The following FLT4 variants were observed in gnomAD, a reference collection of about 807,000 sequenced individuals.
FLT4 encodes fms related receptor tyrosine kinase 4.
Under a neutral mutation model 163.2 loss-of-function variants are expected in FLT4, and 30 were observed. That is an observed-to-expected ratio of 0.18 (90% CI 0.14 to 0.25). The LOEUF (loss-of-function observed/expected upper bound fraction) is 0.25, where lower values mean the gene tolerates loss of function less well. FLT4 is among the 10% of genes least tolerant of loss of function. The pLI is 1.00. For synonymous variants in FLT4, 884 were observed against 789.5 expected (o/e 1.12, Z -2.01); for missense variants, 1,510 against 1,863.8 (o/e 0.81, Z 3.50).
In FLT4 at chr5:180,620,660, G is replaced by A; in HGVS notation, c.2355C>T (p.Ile785=). Residue 785 remains isoleucine, a synonymous_variant, in exon 16 of 30, where the codon ATC becomes ATT. Coordinates refer to ENST00000261937, the MANE Select transcript of FLT4 (RefSeq NM_182925.5). This position sits in a 1 kb window ranked among gnomAD's most constrained non-coding sequence, Gnocchi z 4.4. ...GGAGGAGGACCCAGAAGAAGACAGC[G>A]ATGACGCCGGTACCGACAAGGATCA... ...EIVILVGTGV[I]AVFFWVLLLL... The A allele has an allele frequency of 2.5e-6, 4 of 1,613,528 alleles. No individual in the cohort carries two copies. Among genetic ancestry groups the A allele is most frequent in the East Asian group, 2.2e-5 (1 of 44,842 alleles).
At position 180,631,774 on chromosome 5, in the gene FLT4, C is replaced by T; in HGVS notation, c.63G>A (p.Leu21=). The T allele has an allele frequency of 6.2e-7, 1 of 1,608,520 alleles. No homozygotes were observed. Among genetic ancestry groups the T allele is most frequent in the Non-Finnish European group, 8.5e-7 (1 of 1,178,962 alleles). Residue 21 remains leucine (L), a synonymous_variant, in exon 2 of 30, where the codon CTG becomes CTA. Transcript: ENST00000261937. ...GGGGGGTCATGGAGTAGCCACTCAC[C>T]AGGCCTGGGGTGGGAGACAGGGTCA... ...LWLCLGLLDG[L]VSGYSMTPPT... is the part of the protein sequence containing the mutation.
At position 180,601,773 on chromosome 5, in the gene FLT4, C is replaced by T. The variant is rs989462861; in HGVS notation, c.*1419G>A. The T allele has an allele frequency of 5.6e-5, 13 of 233,070 alleles. No individual in the cohort carries two copies. Among genetic ancestry groups the T allele is most frequent in the Middle Eastern group, 1.3e-3 (1 of 786 alleles). 14.4% of individuals were successfully genotyped at this position (233,070 alleles called of 1,614,324 possible). On this transcript the variant is annotated 3_prime_UTR_variant, in exon 30 of 30. Coordinates refer to ENST00000261937, the MANE Select transcript of FLT4 (RefSeq NM_182925.5). ...AGAGGAAGGGGGAGGTCCACGGGGA[C>T]GACGAAGATGACCTTATACGTGCAC...
chr5:180,646,487 G>A (rs1024963638), intron 1 of FLT4, among the ~76,000 whole-genome samples: 1 of 152,132 alleles, frequency 6.6e-6, no homozygotes, highest in Non-Finnish European at 1.5e-5. Flanking sequence ...GGGCTTCATG[G>A]GGTTCTTTGC....
intron 28 of FLT4, 27 bp downstream of exon 28, chr5:180,609,878 G>A (rs1420320560): frequency 6.8e-6 from 11 of 1,613,440 alleles, no homozygotes; most frequent in Non-Finnish European, 9.3e-6. Context: ...AGCCGAGAGC[G>A]CAGCCCCCAC....
chr5:180,603,285 G>A lies in FLT4; in HGVS notation c.3999C>T (p.Tyr1333=). 6.2e-7 allele frequency: 1 copy of A among 1,614,060 alleles called. No individual in the cohort carries two copies. The highest frequency in any genetic ancestry group is 8.5e-7 in the Non-Finnish European group (1 of 1,180,000). ...CCGACAGCTCCCCATACTCGCTGTTGTAAAACACCTGGCCTCCTCGGGCCC... is the reference window on the plus strand; with the variant it reads ...CCGACAGCTCCCCATACTCGCTGTTATAAAACACCTGGCCTCCTCGGGCCC... The part of the protein sequence containing the change: ...ERGARGGQVF[Y]NSEYGELSEP... Residue 1333 remains tyrosine (Y), a synonymous_variant, in exon 30 of 30, where the codon TAC becomes TAT. Coordinates refer to ENST00000261937, the MANE Select transcript of FLT4 (RefSeq NM_182925.5).
At chr5:180,608,834 G>T in intron 29 of FLT4, 134 bp downstream of exon 29, 1 of 783,336 alleles carries the variant, frequency 1.3e-6, no homozygotes. Context: ...AGCTCACCTT[G>T]AACGCGCGAA....
In FLT4 at chr5:180,602,593, G is replaced by T. The variant is rs1364953377; in HGVS notation, c.*599C>A. 2.0e-5 allele frequency: 8 copies of T among 404,518 alleles called. No homozygotes were observed. The highest frequency in any genetic ancestry group is 6.2e-4 in the Middle Eastern group (1 of 1,616). The allele number at this position is 404,518 out of a possible 1,614,324, so 25.1% of individuals were successfully genotyped here. ...TGCCAGCGTATAATACTGTCATACT[G>T]GTGGCCACCCCAGGGGCTAGTTGGC... On this transcript the variant is annotated 3_prime_UTR_variant, in exon 30 of 30. Transcript: ENST00000261937.
rs773602288 is a variant in FLT4 at position 180,619,500 on chromosome 5, G to A, written c.2648-134C>T. ...TGCCGGCCCCACTGAGGCAGAGGGG[G>A]TTCGGGTGGTCCCTCGGCTCTGAAG... On this transcript the variant is annotated intron_variant, in intron 18 of 29. Coordinates refer to ENST00000261937, the MANE Select transcript of FLT4 (RefSeq NM_182925.5). 4.9e-5 allele frequency: 46 copies of A among 941,270 alleles called. No homozygotes were observed. The Admixed American group carries it at 7.5e-4, about 15-fold the overall frequency. 58.3% of individuals were successfully genotyped at this position (941,270 alleles called of 1,614,324 possible). A position where few individuals can be genotyped will look rare whatever the true frequency, so the allele number is the denominator to read the frequency against.
chr5:180,619,429 G>GCTTAGCTAAGGCACAGCCA (rs1561713147), intron 18 of FLT4, 63 bp from the exon 19 acceptor site: 3 of 1,261,392 alleles, frequency 2.4e-6, no homozygotes, highest in East Asian at 4.7e-5. Context: ...CCCGCCACCC[G>GCTTAGCTAAGGCACAGCCA]GCGCTTTTGG....
chr5:180,621,290 CACT>C, intron 13 of FLT4, 38 bp from the exon 14 acceptor site: 2 of 1,596,070 alleles, frequency 1.3e-6, no homozygotes, highest in Non-Finnish European at 8.6e-7. Flanking sequence ...AGTGGAGCTG[CACT>C]TAGCAGGAGG....
chr5:180,628,511 C>T (rs545103222), intron 8 of FLT4, among the ~76,000 whole-genome samples: 4 of 152,334 alleles, frequency 2.6e-5, no homozygotes, highest in Admixed American at 6.5e-5. Context: ...GAGGCAGCCT[C>T]GCAAAAGGAG....
chr5:180,629,081 C>T, intron 7 of FLT4, 82 bp from the exon 8 acceptor site: 2 of 1,466,718 alleles, frequency 1.4e-6, no homozygotes, highest in Non-Finnish European at 1.9e-6. Context: ...GCCCCTGCAG[C>T]CCCGGCAGCC....
In FLT4 at chr5:180,601,904, G is replaced by A. The variant is rs1212771326; in HGVS notation, c.*1288C>T. ...CGCCTGTCCTGCAAGCGTCTGGTGC[G>A]TGGGTTTGGGGGGTCAGGGTGGTGG... On this transcript the variant is annotated 3_prime_UTR_variant, in exon 30 of 30. Coordinates refer to ENST00000261937, the MANE Select transcript of FLT4 (RefSeq NM_182925.5). 7 of 233,476 alleles carry A rather than the reference G, an allele frequency of 3.0e-5. No individual in the cohort carries two copies. The highest frequency in any genetic ancestry group is 1.1e-4 in the African/African-American group (5 of 45,372). The allele number at this position is 233,476 out of a possible 1,614,324, so 14.5% of individuals were successfully genotyped here. A position where few individuals can be genotyped will look rare whatever the true frequency, so the allele number is the denominator to read the frequency against.
chr5:180,621,916 GGAA>G lies in FLT4; in HGVS notation c.1658-15_1658-13del. The G allele has an allele frequency of 6.2e-7, 1 of 1,613,142 alleles. No individual in the cohort carries two copies. Among genetic ancestry groups the G allele is most frequent in the Non-Finnish European group, 8.5e-7 (1 of 1,179,936 alleles). On this transcript the variant is annotated splice_polypyrimidine_tract_variant and intron_variant, in intron 12 of 29. Transcript: ENST00000261937. ...GCCGTCGGGGATGGCTGTGGAGGGA[GGAA>G]GAAGCCCTGTGGCACTGCCCTGGGA...
rs1426648914 is a variant in FLT4, at chr5:180,625,947, T to C, written c.1343A>G (p.Tyr448Cys). Residue 448 changes from tyrosine to cysteine, a missense_variant, in exon 10 of 30, where the codon TAC (tyrosine) becomes TGC (cysteine). Tyr to Cys is a radical substitution (Grantham distance 194). This residue lies in a region of FLT4 where 878 missense variants were observed against 1,016.7 expected (regional missense o/e 0.86). Transcript: ENST00000261937. ...GATGCTGAGAGGCAGGGGCACCCCGTAGGCCGTGCAGGTGAGGGCCTGGCG... is the reference window on the plus strand; with the variant it reads ...GATGCTGAGAGGCAGGGGCACCCCGCAGGCCGTGCAGGTGAGGGCCTGGCG... ...HSRQALTCTAYGVPLPLSIQW... is the reference protein window; with the variant it reads ...HSRQALTCTACGVPLPLSIQW... The C allele has an allele frequency of 6.2e-7, 1 of 1,612,626 alleles. No individual in the cohort carries two copies. The highest frequency in any genetic ancestry group is 8.5e-7 in the Non-Finnish European group (1 of 1,179,976).
Position 180,620,589 on chromosome 5 carries a change from G to C in FLT4, c.2406+20C>G, listed in dbSNP as rs779600550. 21 of 1,555,012 alleles carry C rather than the reference G, an allele frequency of 1.4e-5. No homozygotes were observed. The South Asian group carries it at 2.3e-4, about 17-fold the overall frequency. On this transcript the variant is annotated intron_variant, in intron 16 of 29. Coordinates refer to ENST00000261937, the MANE Select transcript of FLT4 (RefSeq NM_182925.5). This position sits in a 1 kb window ranked among gnomAD's most constrained non-coding sequence, Gnocchi z 4.4. The stretch of plus-strand genomic sequence containing the variant: ...GAAGGCCTGAGAGAGACTCCATCAG[G>C]AGCGGGGAGGGACACTCACCCTCCT...
Position 180,620,763 on chromosome 5 carries a change from C to G in FLT4, c.2300-48G>C. ...GCGTGTGTGTGTGTGTGTGTAAGAG[C>G]GTGCACCTGCAGGCAGCACCCCTTC... On this transcript the variant is annotated intron_variant, in intron 15 of 29. Transcript: ENST00000261937. The surrounding 1 kb of genome is among the most constrained non-coding windows in gnomAD (Gnocchi z 4.4). 6.3e-7 allele frequency: 1 copy of G among 1,586,304 alleles called. No individual in the cohort carries two copies. Among genetic ancestry groups the G allele is most frequent in the Non-Finnish European group, 8.6e-7 (1 of 1,158,234 alleles).
intron 13 of FLT4, 78 bp downstream of exon 13, chr5:180,621,464 G>A (rs1763139894): frequency 3.2e-6 from 5 of 1,570,994 alleles, no homozygotes; most frequent in South Asian, 2.3e-5. Flanking sequence ...TCCCAGGGGC[G>A]AGCCACGCCG....
At chr5:180,603,469 T>C in intron 29 of FLT4, 79 bp from the exon 30 acceptor site, 1 of 1,347,674 alleles carries the variant, frequency 7.4e-7, no homozygotes, top group Non-Finnish European at 1.0e-6. Flanking sequence ...TCCCAGTACT[T>C]GGGAGGCCTA....
Sources: allele counts gnomAD v4.1 joint callset (sites outside exome capture counted in the v4.1 genomes callset), GRCh38; gene constraint gnomAD v4.1.1; regional missense constraint gnomAD v4.1.1; non-coding constraint Gnocchi (gnomAD v3.1); transcripts MANE v1.5; gene names NCBI Gene and HGNC (gene_info 2026-07-23, HGNC 2026-07-21).